Variants in PBX1 observed in about 807,000 individuals in gnomAD.
PBX1 encodes PBX homeobox 1.
In PBX1, 6 loss-of-function variants were observed where a neutral mutation model predicts 53.4. The observed-to-expected ratio is 0.11, with a 90% CI of 0.06 to 0.22. The LOEUF (loss-of-function observed/expected upper bound fraction) is 0.22. Among genes scored for constraint, PBX1 ranks in the 10% least tolerant of loss-of-function variants. PBX1 has a pLI of 1.00. For synonymous variants in PBX1, 204 were observed against 212.3 expected (o/e 0.96, Z 0.34); for missense variants, 251 against 551.4 (o/e 0.46, Z 5.46).
chr1:164,778,636 C>CA (rs35701840), intron 2 of PBX1, among the ~76,000 whole-genome samples: 4,749 of 136,288 alleles, frequency 0.035, 97 homozygotes, highest in Middle Eastern at 0.061. Flanking sequence ...GACCCTTTCT[C>CA]AAAAAAAAAA....
intron 2 of PBX1, among the ~76,000 whole-genome samples, chr1:164,596,126 A>G (rs917324853): frequency 1.4e-5 from 2 of 148,088 alleles, no homozygotes; most frequent in Admixed American, 1.3e-4. Context: ...TGGTTTCTCA[A>G]TTTTGAACTT....
At chr1:164,585,219 AAAG>A (rs1557874709) in intron 2 of PBX1, among the ~76,000 whole-genome samples, 2 of 152,146 alleles carry the variant, frequency 1.3e-5, no homozygotes, top group African/African-American at 4.8e-5. Flanking sequence ...GGGAAGAGTG[AAAG>A]AAGAATTTTA....
chr1:164,716,222 A>C (rs1002700666), intron 2 of PBX1, among the ~76,000 whole-genome samples: 1 of 152,208 alleles, frequency 6.6e-6, no homozygotes, highest in Non-Finnish European at 1.5e-5. Flanking sequence ...GATCTATGCA[A>C]GGCAGTGGTG....
chr1:164,804,924 T>G (rs186763455), intron 4 of PBX1, among the ~76,000 whole-genome samples: 1 of 152,326 alleles, frequency 6.6e-6, no homozygotes, highest in East Asian at 1.9e-4. Flanking sequence ...GATCTTAGTT[T>G]TGGAAACAGT....
Position 164,851,118 on chromosome 1 carries a change from TCA to T in PBX1, c.*4445_*4446del, listed in dbSNP as rs1558046789. 4.5e-6 allele frequency: 1 copy of T among 221,536 alleles called. No individual in the cohort carries two copies. Among genetic ancestry groups the T allele is most frequent in the Non-Finnish European group, 9.0e-6 (1 of 110,734 alleles). 13.7% of individuals were successfully genotyped at this position (221,536 alleles called of 1,614,324 possible). A position where few individuals can be genotyped will look rare whatever the true frequency, so the allele number is the denominator to read the frequency against. On this transcript the variant is annotated 3_prime_UTR_variant, in exon 9 of 9. Coordinates refer to ENST00000420696, the MANE Select transcript of PBX1 (RefSeq NM_002585.4). The stretch of plus-strand genomic sequence containing the variant: ...TTAATGCTAAGAGGTTACGTTTACT[TCA>T]CAGAGTACACCTCTTAGTAACCTCT...
Position 164,847,166 on chromosome 1 carries a change from A to T in PBX1, c.*490A>T, listed in dbSNP as rs1449298393. On this transcript the variant is annotated 3_prime_UTR_variant, in exon 9 of 9. Coordinates refer to ENST00000420696, the MANE Select transcript of PBX1 (RefSeq NM_002585.4). The stretch of plus-strand genomic sequence containing the variant: ...CTTCTCTGTTTCTCTTATTACTCTC[A>T]CTACCTCTTAGCAGGAATACTCCAC... The T allele has an allele frequency of 1.6e-5, 17 of 1,086,696 alleles. No individual in the cohort carries two copies. The highest frequency in any genetic ancestry group is 1.9e-5 in the Non-Finnish European group (17 of 890,024). 67.3% of individuals were successfully genotyped at this position (1,086,696 alleles called of 1,614,324 possible).
At chr1:164,860,158 G>A (rs1389834064) in intron 2 of PBX1, among the ~76,000 whole-genome samples, 1 of 152,142 alleles carries the variant, frequency 6.6e-6, no homozygotes, top group African/African-American at 2.4e-5. Context: ...AGAAGCAGTG[G>A]TGATGTTGAT....
intron 2 of PBX1, among the ~76,000 whole-genome samples, chr1:164,884,358 G>A (rs1000971303): frequency 3.3e-5 from 5 of 152,088 alleles, no homozygotes; most frequent in Non-Finnish European, 5.9e-5. Context: ...CTAGGTCCAG[G>A]CCTTTTTCTT....
intron 2 of PBX1, among the ~76,000 whole-genome samples, chr1:164,686,699 A>G (rs1217628344): frequency 1.3e-5 from 2 of 152,152 alleles, no homozygotes; most frequent in Non-Finnish European, 2.9e-5. Flanking sequence ...AAGTTTGTTC[A>G]ACAAATGAGT....
intron 8 of PBX1, among the ~76,000 whole-genome samples, chr1:164,823,878 A>G (rs1670289706): frequency 6.6e-6 from 1 of 152,070 alleles, no homozygotes; most frequent in Admixed American, 6.6e-5. Flanking sequence ...TTCTTTTGAT[A>G]TCAGTTTTAA....
intron 2 of PBX1, chr1:164,683,046 AAG>A (rs1297117616): frequency 1.3e-5 from 2 of 152,202 alleles, no homozygotes; most frequent in African/African-American, 4.8e-5. Context: ...GAAAGCCTCC[AAG>A]AGAGTGGTGA....
At chr1:164,859,692 C>T (rs1486891462) in intron 2 of PBX1, among the ~76,000 whole-genome samples, 1 of 152,150 alleles carries the variant, frequency 6.6e-6, no homozygotes, top group Admixed American at 6.5e-5. Context: ...ATCTGTAAAT[C>T]AGCCTTGCAT....
intron 2 of PBX1, among the ~76,000 whole-genome samples, chr1:164,602,653 TTATC>T (rs1656255109): frequency 6.7e-6 from 1 of 148,858 alleles, no homozygotes; most frequent in African/African-American, 2.6e-5. Flanking sequence ...GACTGGCTGT[TTATC>T]TATTCCATTC....
chr1:164,869,574 G>A (rs1447290061), intron 2 of PBX1, among the ~76,000 whole-genome samples: 2 of 152,174 alleles, frequency 1.3e-5, no homozygotes, highest in African/African-American at 2.4e-5. Context: ...TGCCAGGCTC[G>A]ATTCTAAGTA....
chr1:164,590,392 C>T (rs999210623), intron 2 of PBX1: 1 of 455,874 alleles, frequency 2.2e-6, no homozygotes, highest in African/African-American at 2.0e-5. Flanking sequence ...CTCACTTGCA[C>T]TGCTTGCTTC....
At position 164,732,039 on chromosome 1, in the gene PBX1, C is replaced by T. The variant is rs140801517; in HGVS notation, c.266-60455C>T. Among the ~76,000 whole-genome samples the T allele has an allele frequency of 5.3e-5, 8 of 152,192 alleles. No individual in the cohort carries two copies. The East Asian group carries it at 1.2e-3, about 22-fold the overall frequency. On this transcript the variant is annotated intron_variant, in intron 2 of 8. Coordinates refer to ENST00000420696, the MANE Select transcript of PBX1 (RefSeq NM_002585.4). Reference sequence around the variant, plus strand: ...CAGGGACAATGTTGGGGAGAGGGCCCGGACAACCTGGACAGTGATGCACGA... The same window carrying T: ...CAGGGACAATGTTGGGGAGAGGGCCTGGACAACCTGGACAGTGATGCACGA...
chr1:164,819,638 A>G (rs535487165), intron 6 of PBX1: 2 of 155,178 alleles, frequency 1.3e-5, no homozygotes, highest in South Asian at 2.0e-4. Context: ...TTTAGAATCC[A>G]GTTGAATAGT....
At chr1:164,781,742 G>A (rs919134436) in intron 2 of PBX1, among the ~76,000 whole-genome samples, 4 of 152,082 alleles carry the variant, frequency 2.6e-5, no homozygotes, top group African/African-American at 9.7e-5. Flanking sequence ...GCTGATAGCC[G>A]TGGTAGTACC....
Position 164,850,340 on chromosome 1 carries a change from T to TA in PBX1, c.*3681dup, listed in dbSNP as rs748191385. On this transcript the variant is annotated 3_prime_UTR_variant, in exon 9 of 9. Transcript: ENST00000420696. ...AGTGACAGTAATTCATTTTGTAAAC[T>TA]AAAAAAAAAAAAAAAAAGGTTGGAA... 11,955 of 126,718 alleles carry TA rather than the reference T, an allele frequency of 0.094. 360 individuals carry two copies. The highest frequency in any genetic ancestry group is 0.12 in the South Asian group (399 of 3,334). The allele number at this position is 126,718 out of a possible 1,614,324, so 7.8% of individuals were successfully genotyped here.
Sources: allele counts gnomAD v4.1 joint callset (sites outside exome capture counted in the v4.1 genomes callset), GRCh38; gene constraint gnomAD v4.1.1; transcripts MANE v1.5; gene names NCBI Gene and HGNC (gene_info 2026-07-23, HGNC 2026-07-21).